The following ARHGAP42 variants were observed in gnomAD, a reference collection of about 807,000 sequenced individuals.
ARHGAP42 encodes rho GTPase-activating protein 42.
ARHGAP42 carries 63 observed loss-of-function variants against 125.0 expected under a neutral mutation model. The observed-to-expected ratio is 0.50, with a 90% CI of 0.41 to 0.62. The LOEUF (loss-of-function observed/expected upper bound fraction) is 0.62, where lower values mean the gene tolerates loss of function less well. ARHGAP42 is among the 20% of genes least tolerant of loss of function. The pLI is 0.00. For synonymous variants in ARHGAP42, 339 were observed against 351.0 expected, an observed-to-expected ratio of 0.97 and a Z score of 0.38; for missense variants, 766 against 1,024.2, an observed-to-expected ratio of 0.75 and a Z score of 3.44.
At chr11:100,800,544 G>A (rs1158792006) in intron 3 of ARHGAP42, among the ~76,000 whole-genome samples, 3 of 152,260 alleles carry the variant, frequency 2.0e-5, no homozygotes, top group African/African-American at 7.2e-5. Context: ...CAGCGACCAA[G>A]GAGAGGAAAT....
At chr11:100,711,317 T>A (rs1431255548) in intron 1 of ARHGAP42, among the ~76,000 whole-genome samples, 1 of 152,182 alleles carries the variant, frequency 6.6e-6, no homozygotes, top group Admixed American at 6.5e-5. Context: ...GTCCTTTACT[T>A]CTTCCTTCTA....
intron 4 of ARHGAP42, among the ~76,000 whole-genome samples, chr11:100,903,117 G>GCACACACA (rs1555021069): frequency 0.17 from 21,860 of 131,736 alleles, 2,144 homozygotes; most frequent in Non-Finnish European, 0.21. Flanking sequence ...TCCAAGATGC[G>GCACACACA]CACACACACA....
chr11:100,868,549 A>C (rs1021046672), intron 4 of ARHGAP42, among the ~76,000 whole-genome samples: 1 of 152,222 alleles, frequency 6.6e-6, no homozygotes, highest in Non-Finnish European at 1.5e-5. Context: ...ACTAGTAAGG[A>C]GTAGAGTCAG....
chr11:100,872,014 A>G (rs910647992), intron 4 of ARHGAP42, among the ~76,000 whole-genome samples: 3 of 152,180 alleles, frequency 2.0e-5, no homozygotes, highest in African/African-American at 4.8e-5. Context: ...AAGTGCTGGG[A>G]TAACAGGCGT....
At chr11:100,945,483 G>A (rs993584308) in intron 10 of ARHGAP42, among the ~76,000 whole-genome samples, 4 of 152,068 alleles carry the variant, frequency 2.6e-5, no homozygotes, top group South Asian at 2.1e-4. Context: ...ACTTATGGCC[G>A]TGAAAGCCTA....
chr11:100,833,360 C>A (rs907387775), intron 3 of ARHGAP42, among the ~76,000 whole-genome samples: 1 of 152,116 alleles, frequency 6.6e-6, no homozygotes, highest in Admixed American at 6.6e-5. Context: ...TCTGGTTTTC[C>A]AATGCTGTAT....
intron 1 of ARHGAP42, among the ~76,000 whole-genome samples, chr11:100,737,777 T>C (rs939438112): frequency 2.0e-5 from 3 of 152,260 alleles, no homozygotes; most frequent in African/African-American, 7.2e-5. Flanking sequence ...TGCAGCTTCT[T>C]ATTGGCAGTA....
At chr11:100,748,462 C>T (rs1862359138) in intron 1 of ARHGAP42, among the ~76,000 whole-genome samples, 1 of 152,186 alleles carries the variant, frequency 6.6e-6, no homozygotes, top group Admixed American at 6.5e-5. Context: ...AGGAAACCTG[C>T]TGGGTAAGGG....
rs1165619032 is a variant in ARHGAP42, at chr11:100,993,469, T to C, written c.*4668T>C. On this transcript the variant is annotated 3_prime_UTR_variant, in exon 24 of 24. Transcript: ENST00000298815. ...CTGGTCTAAGAACACTGTCTGCACA[T>C]GATTGATGCTTAAAATCCAATATAC... 6.0e-6 allele frequency: 1 copy of C among 167,042 alleles called. No homozygotes were observed. The highest frequency in any genetic ancestry group is 2.4e-5 in the African/African-American group (1 of 41,444). The allele number at this position is 167,042 out of a possible 1,614,324, so 10.3% of individuals were successfully genotyped here. A position where few individuals can be genotyped will look rare whatever the true frequency, so the allele number is the denominator to read the frequency against.
At chr11:100,774,777 G>T (rs999023020) in intron 2 of ARHGAP42, among the ~76,000 whole-genome samples, 2 of 152,204 alleles carry the variant, frequency 1.3e-5, no homozygotes, top group East Asian at 3.9e-4. Flanking sequence ...TTCTGGGAGG[G>T]TGTTTGATGT....
intron 1 of ARHGAP42, among the ~76,000 whole-genome samples, chr11:100,743,016 T>G (rs1211582040): frequency 6.6e-6 from 1 of 152,154 alleles, no homozygotes; most frequent in Non-Finnish European, 1.5e-5. Flanking sequence ...GTGATTTATA[T>G]TCATTCTGCT....
At position 100,886,421 on chromosome 11, in the gene ARHGAP42, T is replaced by C. The variant is rs533850039; in HGVS notation, c.384+26796T>C. 3.5e-4 allele frequency among the ~76,000 whole-genome samples: 53 copies of C among 152,348 alleles called. 1 individual carries two copies. Among genetic ancestry groups the C allele is most frequent in the African/African-American group, 1.1e-3 (45 of 41,594 alleles). On this transcript the variant is annotated intron_variant, in intron 4 of 23. Transcript: ENST00000298815. ...TAGAGTTGGACTAAATGACCTCCTC[T>C]TAGTTTTCTTCAAACTGTAGGGTTC...
chr11:100,987,879 C>T (rs1010519134), intron 23 of ARHGAP42, among the ~76,000 whole-genome samples: 1 of 151,944 alleles, frequency 6.6e-6, no homozygotes, highest in East Asian at 1.9e-4. Flanking sequence ...CCTGTAATCC[C>T]AGCACTTTGG....
chr11:100,871,435 A>C (rs1489879908), intron 4 of ARHGAP42, among the ~76,000 whole-genome samples: 1 of 151,288 alleles, frequency 6.6e-6, no homozygotes, highest in African/African-American at 2.4e-5. Flanking sequence ...AATCCCAGCT[A>C]CTCAGGAGAC....
intron 14 of ARHGAP42, 78 bp from the exon 15 acceptor site, chr11:100,961,606 G>A (rs761035755): frequency 3.7e-4 from 464 of 1,261,870 alleles, no homozygotes; most frequent in Non-Finnish European, 4.9e-4. Context: ...ACCTACTTAC[G>A]TTTGTGCCCA....
intron 4 of ARHGAP42, among the ~76,000 whole-genome samples, chr11:100,906,275 A>G (rs1866734784): frequency 6.6e-6 from 1 of 152,166 alleles, no homozygotes; most frequent in Non-Finnish European, 1.5e-5. Context: ...ACACATTTGT[A>G]AATATTTTTA....
At chr11:100,896,213 G>C (rs2135200009) in intron 4 of ARHGAP42, among the ~76,000 whole-genome samples, 1 of 151,550 alleles carries the variant, frequency 6.6e-6, no homozygotes, top group East Asian at 1.9e-4. Flanking sequence ...TGGTGTATGT[G>C]TGCCACATTT....
At chr11:100,852,635 T>C (rs1865230538) in intron 3 of ARHGAP42, among the ~76,000 whole-genome samples, 1 of 152,172 alleles carries the variant, frequency 6.6e-6, no homozygotes, top group Non-Finnish European at 1.5e-5. Flanking sequence ...AGAAATATTT[T>C]TGAGGCCCTA....
At chr11:100,776,455 A>G (rs995260743) in intron 2 of ARHGAP42, among the ~76,000 whole-genome samples, 2 of 152,136 alleles carry the variant, frequency 1.3e-5, no homozygotes, top group African/African-American at 4.8e-5. Flanking sequence ...GACACACCTA[A>G]ACAGAAAATT....
Sources: allele counts gnomAD v4.1 joint callset (sites outside exome capture counted in the v4.1 genomes callset), GRCh38; gene constraint gnomAD v4.1.1; transcripts MANE v1.5; gene names NCBI Gene and HGNC (gene_info 2026-07-23, HGNC 2026-07-21).